The following PLOD2 variants were observed in gnomAD, a reference collection of about 807,000 sequenced individuals.
PLOD2 encodes the protein lysine hydroxylase 2.
A neutral mutation model predicts 101.0 loss-of-function variants in PLOD2; 65 were observed. That is an observed-to-expected ratio of 0.64 (90% CI 0.53 to 0.79). PLOD2 has a LOEUF of 0.79. Ranked by LOEUF, PLOD2 falls within the 30% of genes least tolerant of loss-of-function variation. The pLI is 0.00. For synonymous variants in PLOD2, 314 were observed against 302.9 expected (o/e 1.04, Z -0.38); for missense variants, 909 against 914.6 (o/e 0.99, Z 0.08).
intron 7 of PLOD2, among the ~76,000 whole-genome samples, chr3:146,101,267 T>C (rs991989872): frequency 2.0e-5 from 3 of 152,066 alleles, no homozygotes; most frequent in African/African-American, 7.2e-5. Flanking sequence ...ACAATGTATA[T>C]GGAAAAGAAA....
intron 1 of PLOD2, among the ~76,000 whole-genome samples, chr3:146,152,996 C>T (rs942066661): frequency 6.6e-6 from 1 of 152,120 alleles, no homozygotes; most frequent in South Asian, 2.1e-4. Flanking sequence ...TAGACGTGGC[C>T]GGCAGGAATT....
intron 14 of PLOD2, chr3:146,077,599 A>C (rs564679638): frequency 1.7e-5 from 6 of 350,598 alleles, no homozygotes; most frequent in Admixed American, 4.4e-5. Context: ...TAAAAACCTA[A>C]AAAAAGAATG....
chr3:146,077,619 T>C (rs1559834546), intron 14 of PLOD2: 4 of 409,270 alleles, frequency 9.8e-6, no homozygotes, highest in Non-Finnish European at 1.3e-5. Flanking sequence ...GAAAGGGACT[T>C]AGGTTTAACT....
At chr3:146,072,161 A>C (rs1576568931) in intron 17 of PLOD2, among the ~76,000 whole-genome samples, 1 of 151,732 alleles carries the variant, frequency 6.6e-6, no homozygotes, top group South Asian at 2.1e-4. Context: ...TTTACACACA[A>C]AAACAGTTTT....
intron 1 of PLOD2, among the ~76,000 whole-genome samples, chr3:146,160,545 A>G (rs574991645): frequency 2.0e-5 from 3 of 152,158 alleles, no homozygotes; most frequent in South Asian, 2.1e-4. Flanking sequence ...ATCCATGCCA[A>G]CTCTCGGAAA....
chr3:146,089,657 A>C (rs1039117570), intron 8 of PLOD2, among the ~76,000 whole-genome samples: 4 of 151,634 alleles, frequency 2.6e-5, no homozygotes, highest in African/African-American at 7.2e-5. Context: ...GTATAATAAC[A>C]TATGCTCACA....
At chr3:146,087,496 G>A (rs1449441) in intron 9 of PLOD2, among the ~76,000 whole-genome samples, 76,425 of 151,578 alleles carry the variant, frequency 0.5, 19,328 homozygotes, top group East Asian at 0.56. Context: ...TCAACATAAA[G>A]GTTACCAATT....
At chr3:146,075,826 A>T (rs541763105) in intron 15 of PLOD2, 1 of 151,852 alleles carries the variant, frequency 6.6e-6, no homozygotes, top group East Asian at 1.9e-4. Context: ...CCCTTCCCCA[A>T]AGCTAATAAG....
At chr3:146,072,276 AT>A (rs1559831341) in intron 17 of PLOD2, among the ~76,000 whole-genome samples, 4 of 35,746 alleles carry the variant, frequency 1.1e-4, no homozygotes, top group African/African-American at 4.9e-4. Context: ...CTGTAAAGAC[AT>A]GTGTTACCTA....
chr3:146,130,027 T>C (rs2030816545), intron 1 of PLOD2, among the ~76,000 whole-genome samples: 1 of 152,174 alleles, frequency 6.6e-6, no homozygotes, highest in Non-Finnish European at 1.5e-5. Context: ...CTTAGGATAG[T>C]AGAGAAACTC....
rs761346369 is a variant in PLOD2, at chr3:146,110,316, C to T, written c.471G>A (p.Val157=). 3.5e-5 allele frequency: 57 copies of T among 1,613,708 alleles called. No individual in the cohort carries two copies. Among genetic ancestry groups the T allele is most frequent in the Non-Finnish European group, 3.2e-5 (38 of 1,179,814 alleles). Residue 157 remains valine (V), a synonymous_variant, in exon 4 of 20, where the codon GTG becomes GTA. Coordinates refer to ENST00000282903, the MANE Select transcript of PLOD2 (RefSeq NM_182943.3). The part of the protein sequence containing the change: ...DKRLADKYPV[V]HIGKRYLNSG... Reference sequence around the variant, plus strand: ...AATTCAGATAGCGTTTCCCAATGTGCACAACAGGATACTTGTCTGCTAGTC... The same window carrying T: ...AATTCAGATAGCGTTTCCCAATGTGTACAACAGGATACTTGTCTGCTAGTC...
chr3:146,110,295 C>G lies in PLOD2; in HGVS notation c.492G>C (p.Leu164=), dbSNP rs749545427. ...CAGTATCTAACTCACCTCCTGAATT[C>G]AGATAGCGTTTCCCAATGTGCACAA... ...YPVVHIGKRY[L]NSGGFIGYAP... The change falls in exon 4 of 20, where the codon CTG becomes CTC. Residue 164 remains leucine, a synonymous_variant. Transcript: ENST00000282903. 25 of 1,613,426 alleles carry G rather than the reference C, an allele frequency of 1.5e-5. No homozygotes were observed. Among genetic ancestry groups the G allele is most frequent in the Non-Finnish European group, 1.9e-5 (23 of 1,179,596 alleles).
At chr3:146,138,760 G>A (rs1341357980) in intron 1 of PLOD2, among the ~76,000 whole-genome samples, 1 of 152,144 alleles carries the variant, frequency 6.6e-6, no homozygotes, top group Non-Finnish European at 1.5e-5. Context: ...AGGATTCTGA[G>A]TAAAGAGATG....
chr3:146,149,066 T>C (rs924901893), intron 1 of PLOD2, among the ~76,000 whole-genome samples: 2 of 152,242 alleles, frequency 1.3e-5, no homozygotes, highest in Non-Finnish European at 2.9e-5. Flanking sequence ...ATAATTTCCC[T>C]TGCCAGCACT....
chr3:146,086,630 T>C lies in PLOD2; in HGVS notation c.1127+157A>G, dbSNP rs1936780245. ...CTACAGCCCTTTATGTATAAATACG[T>C]ACAAACATAGACACAGTCTAAGTTG... On this transcript the variant is annotated intron_variant, in intron 10 of 19. Coordinates refer to ENST00000282903, the MANE Select transcript of PLOD2 (RefSeq NM_182943.3). 3.0e-5 allele frequency: 14 copies of C among 466,666 alleles called. 1 individual carries two copies. In the East Asian group the frequency reaches 4.9e-4, roughly 16 times the overall value. The allele number at this position is 466,666 out of a possible 1,614,324, so 28.9% of individuals were successfully genotyped here.
Position 146,095,542 on chromosome 3 carries a change from T to C in PLOD2, c.778-3641A>G, listed in dbSNP as rs188439272. On this transcript the variant is annotated intron_variant, in intron 7 of 19. Coordinates refer to ENST00000282903, the MANE Select transcript of PLOD2 (RefSeq NM_182943.3). Reference sequence around the variant, plus strand: ...TCATGCCAGTTAGAATGGCAATCGCTAAAGTCTGGAAATAACGGATGCTGG... The same window carrying C: ...TCATGCCAGTTAGAATGGCAATCGCCAAAGTCTGGAAATAACGGATGCTGG... Among the ~76,000 whole-genome samples, 165 of 152,154 alleles carry C rather than the reference T, an allele frequency of 1.1e-3. 1 individual carries two copies. The highest frequency in any genetic ancestry group is 3.7e-3 in the African/African-American group (155 of 41,534).
chr3:146,104,350 AT>A lies in PLOD2; in HGVS notation c.616-9del. On this transcript the variant is annotated splice_polypyrimidine_tract_variant and intron_variant, in intron 5 of 19. Transcript: ENST00000282903. The stretch of plus-strand genomic sequence containing the variant: ...TGTGATGTTAATAGCTTCCTAAAAC[AT>A]AAGAATAGAAATGATATTGAAAATG... 7.1e-7 allele frequency: 1 copy of A among 1,403,014 alleles called. No homozygotes were observed. The highest frequency in any genetic ancestry group is 1.0e-6 in the Non-Finnish European group (1 of 987,784). 86.9% of individuals were successfully genotyped at this position (1,403,014 alleles called of 1,614,324 possible). A position where few individuals can be genotyped will look rare whatever the true frequency, so the allele number is the denominator to read the frequency against.
chr3:146,147,406 C>T (rs1008622680), intron 1 of PLOD2, among the ~76,000 whole-genome samples: 1 of 152,126 alleles, frequency 6.6e-6, no homozygotes, highest in Non-Finnish European at 1.5e-5. Context: ...ATAATAAATA[C>T]ATTTGGAAAT....
chr3:146,107,708 C>T (rs1431882511), intron 4 of PLOD2, among the ~76,000 whole-genome samples: 1 of 135,202 alleles, frequency 7.4e-6, no homozygotes, highest in Non-Finnish European at 1.5e-5. Context: ...ACAATCTTGG[C>T]TCACTGCAAC....
Sources: allele counts gnomAD v4.1 joint callset (sites outside exome capture counted in the v4.1 genomes callset), GRCh38; gene constraint gnomAD v4.1.1; transcripts MANE v1.5; gene names NCBI Gene and HGNC (gene_info 2026-07-23, HGNC 2026-07-21).